Variants in GPC6 observed in about 807,000 individuals in gnomAD.
GPC6 encodes the protein glypican 6.
In GPC6, 14 loss-of-function variants were observed where a neutral mutation model predicts 55.2. The ratio of observed to expected loss-of-function variants is 0.25; its 90% CI spans 0.17 to 0.40. GPC6 has a LOEUF of 0.40. Among genes scored for constraint, GPC6 ranks in the 10% least tolerant of loss-of-function variants. GPC6 has a pLI of 1.00. For synonymous variants in GPC6, 278 were observed against 259.6 expected, an observed-to-expected ratio of 1.07 and a Z score of -0.68; for missense variants, 641 against 708.5, an observed-to-expected ratio of 0.90 and a Z score of 1.08.
rs182928133 is a variant in GPC6, at chr13:93,262,581, T to C, written c.160+34965T>C. 3.1e-3 allele frequency among the ~76,000 whole-genome samples: 468 copies of C among 152,356 alleles called. 3 individuals are homozygous for C. The highest frequency in any genetic ancestry group is 0.01 in the Middle Eastern group (3 of 294). ...TTGTAATTCTTCCAGTGATAGTTTA[T>C]AGAAATATTTATATTTCATATGTTA... On this transcript the variant is annotated intron_variant, in intron 1 of 8. Transcript: ENST00000377047.
intron 6 of GPC6, among the ~76,000 whole-genome samples, chr13:94,339,746 C>CT (rs1266284616): frequency 4.3e-4 from 46 of 106,356 alleles, no homozygotes; most frequent in Non-Finnish European, 7.0e-4. Context: ...AACCTGCATA[C>CT]TTTCCTTTTT....
rs1047660347 is a variant in GPC6 at position 94,324,709 on chromosome 13, T to TG, written c.1152+18586_1152+18587insG. ...AGAACAAGACCTGGGTTTTTTGTTT[T>TG]TTTTTTTAATTTCTGTTCTAGATTT... On this transcript the variant is annotated intron_variant, in intron 6 of 8. Transcript: ENST00000377047. 2.1e-4 allele frequency among the ~76,000 whole-genome samples: 32 copies of TG among 151,582 alleles called. 1 individual carries two copies. Among genetic ancestry groups the TG allele is most frequent in the Non-Finnish European group, 1.6e-4 (11 of 67,870 alleles).
intron 4 of GPC6, among the ~76,000 whole-genome samples, chr13:94,031,622 C>T (rs1237385199): frequency 6.6e-6 from 1 of 152,216 alleles, no homozygotes; most frequent in African/African-American, 2.4e-5. Flanking sequence ...GCCGTATTTT[C>T]ATACAAAACT....
intron 1 of GPC6, among the ~76,000 whole-genome samples, chr13:93,358,451 A>G (rs1322365057): frequency 6.6e-6 from 1 of 152,188 alleles, no homozygotes; most frequent in Non-Finnish European, 1.5e-5. Flanking sequence ...AGAGGTGGCT[A>G]TCTTCCCCCT....
At chr13:94,192,446 T>A (rs780234034) in intron 4 of GPC6, among the ~76,000 whole-genome samples, 5 of 152,150 alleles carry the variant, frequency 3.3e-5, no homozygotes, top group Non-Finnish European at 5.9e-5. Context: ...CAAGAGTATG[T>A]CTGGGGTCTG....
intron 2 of GPC6, among the ~76,000 whole-genome samples, chr13:93,641,549 A>G (rs553427482): frequency 1.3e-5 from 2 of 152,152 alleles, no homozygotes; most frequent in Non-Finnish European, 2.9e-5. Flanking sequence ...GAGTTATTAC[A>G]TGAAAGCTGT....
chr13:94,098,276 A>T (rs1452377753), intron 4 of GPC6, among the ~76,000 whole-genome samples: 1 of 152,204 alleles, frequency 6.6e-6, no homozygotes, highest in African/African-American at 2.4e-5. Flanking sequence ...CTATAGGATG[A>T]CAAGTAGTTA....
intron 4 of GPC6, among the ~76,000 whole-genome samples, chr13:94,063,918 G>C (rs185406824): frequency 1.3e-5 from 2 of 152,256 alleles, no homozygotes; most frequent in Admixed American, 1.3e-4. Context: ...TTCATGGTTG[G>C]AAGCATTTTC....
chr13:93,461,193 C>T (rs1878673437), intron 1 of GPC6, among the ~76,000 whole-genome samples: 1 of 152,046 alleles, frequency 6.6e-6, no homozygotes, highest in African/African-American at 2.4e-5. Context: ...ATATAGTAGT[C>T]TACAGCTTAA....
intron 1 of GPC6, 77 bp from the exon 2 acceptor site, chr13:93,545,186 G>A (rs1166567647): frequency 8.0e-7 from 1 of 1,250,288 alleles, no homozygotes; most frequent in Non-Finnish European, 1.2e-6. Flanking sequence ...TTTGAGCAAA[G>A]TGTTAGAGAA....
intron 3 of GPC6, among the ~76,000 whole-genome samples, chr13:93,935,091 A>G (rs1878366306): frequency 6.6e-6 from 1 of 152,146 alleles, no homozygotes; most frequent in Admixed American, 6.5e-5. Flanking sequence ...CTCTATGAAC[A>G]CTTGTGTACA....
At chr13:93,540,467 T>C (rs1882247863) in intron 1 of GPC6, among the ~76,000 whole-genome samples, 1 of 152,158 alleles carries the variant, frequency 6.6e-6, no homozygotes, top group African/African-American at 2.4e-5. Flanking sequence ...TTTCCTCTTC[T>C]TTTAAAAATA....
rs149200720 is a variant in GPC6, at chr13:94,067,482, C to G, written c.877+39588C>G. ...TAGGCCTCTCTCTGTCTGTCTGTCT[C>G]TCTCTCTCTCTCTCTCTCTCTGTGT... On this transcript the variant is annotated intron_variant, in intron 4 of 8. Coordinates refer to ENST00000377047, the MANE Select transcript of GPC6 (RefSeq NM_005708.5). 7.4e-3 allele frequency among the ~76,000 whole-genome samples: 1,100 copies of G among 149,482 alleles called. 11 individuals carry two copies. Among genetic ancestry groups the G allele is most frequent in the African/African-American group, 0.022 (897 of 41,280 alleles).
chr13:94,237,677 G>C (rs1163255069), intron 4 of GPC6, among the ~76,000 whole-genome samples: 1 of 152,084 alleles, frequency 6.6e-6, no homozygotes, highest in African/African-American at 2.4e-5. Context: ...ATAACAGAAC[G>C]AAGGCTGGTG....
At chr13:93,531,566 A>G (rs1347667416) in intron 1 of GPC6, among the ~76,000 whole-genome samples, 4 of 152,204 alleles carry the variant, frequency 2.6e-5, no homozygotes, top group African/African-American at 9.6e-5. Flanking sequence ...CCACATCTAC[A>G]AACTACCTCT....
At chr13:93,510,961 A>ATATATGTG (rs1566396604) in intron 1 of GPC6, among the ~76,000 whole-genome samples, 1 of 96,636 alleles carries the variant, frequency 1.0e-5, no homozygotes, top group African/African-American at 3.7e-5. Flanking sequence ...ATATATATAT[A>ATATATGTG]TATATATATG....
At chr13:93,342,031 C>T (rs531752734) in intron 1 of GPC6, among the ~76,000 whole-genome samples, 3 of 151,628 alleles carry the variant, frequency 2.0e-5, no homozygotes, top group Non-Finnish European at 4.4e-5. Flanking sequence ...ACCACACCCA[C>T]CTAATTTTTT....
chr13:93,250,436 C>T (rs1331185335), intron 1 of GPC6, among the ~76,000 whole-genome samples: 3 of 152,142 alleles, frequency 2.0e-5, no homozygotes, highest in Non-Finnish European at 4.4e-5. Context: ...GTAACTAGTC[C>T]CCTTCCTTTG....
intron 1 of GPC6, among the ~76,000 whole-genome samples, chr13:93,245,488 C>T (rs955561731): frequency 1.3e-5 from 2 of 152,166 alleles, no homozygotes; most frequent in African/African-American, 4.8e-5. Flanking sequence ...GCTTGCAAAA[C>T]ACAAATGGCT....
Sources: allele counts gnomAD v4.1 joint callset (sites outside exome capture counted in the v4.1 genomes callset), GRCh38; gene constraint gnomAD v4.1.1; transcripts MANE v1.5; gene names NCBI Gene and HGNC (gene_info 2026-07-23, HGNC 2026-07-21).